ADK: variants seen among roughly 807,000 people sequenced by gnomAD.
ADK encodes adenosine kinase.
A neutral mutation model predicts 44.7 loss-of-function variants in ADK; 24 were observed. The ratio of observed to expected loss-of-function variants is 0.54; its 90% CI spans 0.39 to 0.76. The LOEUF is 0.76. ADK is among the 30% of genes least tolerant of loss of function. ADK has a pLI of 0.00. For missense variants in ADK, 321 were observed against 425.1 expected (o/e 0.76, Z 2.15); for synonymous variants, 128 against 142.6 (o/e 0.90, Z 0.73).
At chr10:74,292,806 G>A (rs563936486) in intron 3 of ADK, among the ~76,000 whole-genome samples, 1 of 152,072 alleles carries the variant, frequency 6.6e-6, no homozygotes, top group Admixed American at 6.6e-5. Flanking sequence ...CCTCTCTTTT[G>A]TGCCACCATC....
At chr10:74,616,646 A>T (rs1326711462) in intron 9 of ADK, among the ~76,000 whole-genome samples, 1 of 152,106 alleles carries the variant, frequency 6.6e-6, no homozygotes, top group Non-Finnish European at 1.5e-5. Flanking sequence ...TTATCTGGCA[A>T]TGTCAGTCTT....
At chr10:74,687,703 A>G (rs1047858941) in intron 10 of ADK, among the ~76,000 whole-genome samples, 1 of 152,184 alleles carries the variant, frequency 6.6e-6, no homozygotes, top group Non-Finnish European at 1.5e-5. Flanking sequence ...CTAGAAACCT[A>G]GACGCCCTTC....
intron 6 of ADK, among the ~76,000 whole-genome samples, chr10:74,492,280 T>C (rs1400340049): frequency 6.6e-6 from 1 of 152,126 alleles, no homozygotes; most frequent in Non-Finnish European, 1.5e-5. Context: ...AGAAAAATTA[T>C]TTTATTCTTA....
In ADK at chr10:74,592,000, TA is replaced by T. The variant is rs551347708; in HGVS notation, c.762+2684del. ...TGGCATTTTTTTTTTAATTGATTAT[TA>T]TTCTGGTTAGCTTCTCTGCAAATTT... is the stretch of plus-strand genomic sequence containing the variant. On this transcript the variant is annotated intron_variant, in intron 8 of 10. Coordinates refer to ENST00000539909, the MANE Select transcript of ADK (RefSeq NM_006721.4). Among the ~76,000 whole-genome samples, 1,077 of 152,072 alleles carry T rather than the reference TA, an allele frequency of 7.1e-3. 22 individuals carry two copies. Among genetic ancestry groups the T allele is most frequent in the Non-Finnish European group, 6.0e-3 (406 of 68,006 alleles).
chr10:74,641,166 C>G (rs1853828206), intron 9 of ADK, among the ~76,000 whole-genome samples: 1 of 152,022 alleles, frequency 6.6e-6, no homozygotes, highest in African/African-American at 2.4e-5. Flanking sequence ...TCAAATGGGC[C>G]AAATCATGCT....
chr10:74,491,325 C>T lies in ADK; in HGVS notation c.556-33931C>T, dbSNP rs117507723. ...ATCTCACTAGGTTGCCCAAGCTGGACTTGAACTTTTAGATCCAAGCAATCC... is the reference window on the plus strand; with the variant it reads ...ATCTCACTAGGTTGCCCAAGCTGGATTTGAACTTTTAGATCCAAGCAATCC... On this transcript the variant is annotated intron_variant, in intron 6 of 10. Transcript: ENST00000539909. Among the ~76,000 whole-genome samples, 434 of 152,270 alleles carry T rather than the reference C, an allele frequency of 2.9e-3. 4 individuals are homozygous for T. The highest frequency in any genetic ancestry group is 0.018 in the East Asian group (91 of 5,192).
intron 3 of ADK, among the ~76,000 whole-genome samples, chr10:74,312,917 A>AAAG (rs1840492130): frequency 6.9e-6 from 1 of 145,074 alleles, no homozygotes; most frequent in African/African-American, 2.6e-5. Context: ...CTGTCTCCAA[A>AAAG]AAAAAAAAAA....
intron 4 of ADK, among the ~76,000 whole-genome samples, chr10:74,386,159 C>T (rs575525494): frequency 1.1e-4 from 16 of 152,234 alleles, no homozygotes; most frequent in Admixed American, 6.5e-4. Context: ...TTGATTTCCT[C>T]ATCATCCTTT....
intron 9 of ADK, among the ~76,000 whole-genome samples, chr10:74,665,385 C>A (rs1356976758): frequency 6.6e-6 from 1 of 152,076 alleles, no homozygotes; most frequent in Non-Finnish European, 1.5e-5. Flanking sequence ...CTGTTTCTTC[C>A]ATGCCTATTG....
At chr10:74,393,523 G>T (rs1843410127) in intron 4 of ADK, among the ~76,000 whole-genome samples, 1 of 152,018 alleles carries the variant, frequency 6.6e-6, no homozygotes, top group Admixed American at 6.6e-5. Flanking sequence ...ATTTATATAT[G>T]AATTACTACA....
At chr10:74,673,561 C>T (rs1855261693) in intron 10 of ADK, among the ~76,000 whole-genome samples, 1 of 152,186 alleles carries the variant, frequency 6.6e-6, no homozygotes, top group Admixed American at 6.5e-5. Flanking sequence ...GTGGCAGCAT[C>T]TAAGGGAAGC....
At chr10:74,613,665 A>G (rs145276459) in intron 9 of ADK, among the ~76,000 whole-genome samples, 3 of 152,270 alleles carry the variant, frequency 2.0e-5, no homozygotes, top group East Asian at 1.9e-4. Flanking sequence ...AAAACACTCA[A>G]TGCTGCCCAT....
chr10:74,215,249 C>G (rs1025109321), intron 2 of ADK, among the ~76,000 whole-genome samples: 6 of 152,164 alleles, frequency 3.9e-5, no homozygotes, highest in Non-Finnish European at 8.8e-5. Context: ...CATTAGAAAA[C>G]AAAACATCCA....
At chr10:74,297,217 A>G (rs1164460134) in intron 3 of ADK, among the ~76,000 whole-genome samples, 1 of 152,220 alleles carries the variant, frequency 6.6e-6, no homozygotes, top group Non-Finnish European at 1.5e-5. Flanking sequence ...GTATCTCACT[A>G]GGTAAATTTG....
intron 3 of ADK, among the ~76,000 whole-genome samples, chr10:74,290,078 G>GCGCACACACACACACA (rs113592873): frequency 3.4e-5 from 5 of 149,012 alleles, no homozygotes; most frequent in South Asian, 2.1e-4. Flanking sequence ...CTACTCACGC[G>GCGCACACACACACACA]CACACACACA....
chr10:74,485,110 G>A (rs1371042523), intron 6 of ADK, among the ~76,000 whole-genome samples: 2 of 151,976 alleles, frequency 1.3e-5, no homozygotes, highest in African/African-American at 2.4e-5. Flanking sequence ...CACTGAGTAG[G>A]AGAAGACATG....
rs77429367 is a variant in ADK, at chr10:74,420,753, ACT to A, written c.555+22178_555+22179del. On this transcript the variant is annotated intron_variant, in intron 6 of 10. Coordinates refer to ENST00000539909, the MANE Select transcript of ADK (RefSeq NM_006721.4). ...AGAACTCAATAACTTTTAAGTAGTAACTCTCCCTACAGTTTAACTGTTAAACA... is the reference window on the plus strand; with the variant it reads ...AGAACTCAATAACTTTTAAGTAGTAACTCCCTACAGTTTAACTGTTAAACA... 1.2e-3 allele frequency among the ~76,000 whole-genome samples: 188 copies of A among 152,128 alleles called. 1 individual carries two copies. In the East Asian group the frequency reaches 0.015, roughly 12 times the overall value.
chr10:74,215,858 A>G (rs1173851358), intron 2 of ADK, among the ~76,000 whole-genome samples: 6 of 149,694 alleles, frequency 4.0e-5, no homozygotes, highest in African/African-American at 1.5e-4. Flanking sequence ...GGGTTTCACC[A>G]TGTTAACCAG....
intron 8 of ADK, among the ~76,000 whole-genome samples, chr10:74,592,230 A>G (rs994241220): frequency 2.0e-5 from 3 of 152,134 alleles, no homozygotes; most frequent in African/African-American, 7.2e-5. Context: ...ATTTAAAATG[A>G]CAATTCTTGG....
Sources: allele counts gnomAD v4.1 joint callset (sites outside exome capture counted in the v4.1 genomes callset), GRCh38; gene constraint gnomAD v4.1.1; transcripts MANE v1.5; gene names NCBI Gene and HGNC (gene_info 2026-07-23, HGNC 2026-07-21).